Variants in NEBL observed in about 807,000 individuals in gnomAD.
The protein encoded by NEBL is nebulette, also known as LIM and SH3 protein 2.
A neutral mutation model predicts 140.2 loss-of-function variants in NEBL; 122 were observed. That is an observed-to-expected ratio of 0.87 (90% CI 0.75 to 1.01). NEBL has a LOEUF of 1.01. Ranked by LOEUF, NEBL falls within the 50% of genes least tolerant of loss-of-function variation. The pLI, the probability that NEBL is intolerant of heterozygous loss-of-function variation, is 0.00. For synonymous variants in NEBL, 436 were observed against 398.9 expected, an observed-to-expected ratio of 1.09 and a Z score of -1.11; for missense variants, 1,365 against 1,231.3, an observed-to-expected ratio of 1.11 and a Z score of -1.62.
chr10:20,972,684 C>A (rs532121908), intron 3 of NEBL, among the ~76,000 whole-genome samples: 12 of 151,944 alleles, frequency 7.9e-5, no homozygotes, highest in African/African-American at 2.9e-4. Context: ...GAGGCAGAGG[C>A]TGCAGTGAGC....
At chr10:20,869,958 C>T in intron 5 of NEBL, 117 bp from the exon 6 acceptor site, 1 of 762,332 alleles carries the variant, frequency 1.3e-6, no homozygotes, top group Non-Finnish European at 2.3e-6. Context: ...AGCCTACTGA[C>T]CTTAAGTTGG....
chr10:20,836,458 G>A (rs1588733470), intron 13 of NEBL, among the ~76,000 whole-genome samples: 2 of 152,186 alleles, frequency 1.3e-5, no homozygotes. Flanking sequence ...CCTGACCTCA[G>A]GTGATCCACC....
chr10:21,171,694 C>A (rs904047998), intron 2 of NEBL: 3 of 154,324 alleles, frequency 1.9e-5, no homozygotes, highest in African/African-American at 7.2e-5. Context: ...ACGGTGAGCG[C>A]GATATAAATG....
chr10:21,260,111 T>C (rs1405280520), intron 1 of NEBL, among the ~76,000 whole-genome samples: 1 of 152,242 alleles, frequency 6.6e-6, no homozygotes, highest in Non-Finnish European at 1.5e-5. Flanking sequence ...TCCAGATTGC[T>C]TGAAATGGTT....
At chr10:21,147,534 G>A (rs1226324369) in intron 2 of NEBL, among the ~76,000 whole-genome samples, 2 of 151,606 alleles carry the variant, frequency 1.3e-5, no homozygotes, top group African/African-American at 4.8e-5. Flanking sequence ...AGTCACCATT[G>A]CTGTGGATTC....
At chr10:21,192,020 A>G (rs536933801) in intron 3 of NEBL, among the ~76,000 whole-genome samples, 10 of 152,082 alleles carry the variant, frequency 6.6e-5, no homozygotes, top group African/African-American at 1.9e-4. Flanking sequence ...AGGGGTCCCA[A>G]GGTTTTTGTT....
chr10:21,233,780 TATATATGCATATATATTAC>T (rs1332014747), intron 3 of NEBL, among the ~76,000 whole-genome samples: 2 of 143,456 alleles, frequency 1.4e-5, no homozygotes, highest in Non-Finnish European at 3.0e-5. Flanking sequence ...TATAAATGCA[TATATATGCATATATATTAC>T]ATATATAGAT....
At chr10:20,859,952 C>A (rs895360323) in intron 7 of NEBL, 126 bp from the exon 8 acceptor site, 7 of 572,288 alleles carry the variant, frequency 1.2e-5, no homozygotes, top group Non-Finnish European at 2.2e-5. Context: ...TGGTATCCAT[C>A]GCCTTCTATA....
chr10:20,843,227 G>A (rs1273243400), intron 12 of NEBL, among the ~76,000 whole-genome samples: 2 of 152,006 alleles, frequency 1.3e-5, no homozygotes, highest in South Asian at 2.1e-4. Flanking sequence ...TCTGCAAGCC[G>A]GTAAGAGGGC....
At chr10:21,251,922 G>A (rs1258241820) in intron 1 of NEBL, among the ~76,000 whole-genome samples, 1 of 152,106 alleles carries the variant, frequency 6.6e-6, no homozygotes, top group Non-Finnish European at 1.5e-5. Flanking sequence ...TCAAAATGGA[G>A]AACAAGATAA....
chr10:20,966,884 G>A (rs1456919023), intron 3 of NEBL, among the ~76,000 whole-genome samples: 2 of 152,210 alleles, frequency 1.3e-5, no homozygotes, highest in African/African-American at 2.4e-5. Context: ...GATGAAGGAA[G>A]AAGGAAGCCA....
chr10:21,220,345 A>G (rs921557175), intron 3 of NEBL, among the ~76,000 whole-genome samples: 2 of 152,212 alleles, frequency 1.3e-5, no homozygotes, highest in Non-Finnish European at 1.5e-5. Flanking sequence ...ATAAATCCAC[A>G]CTATTATGAT....
chr10:20,804,740 T>C (rs1837450738), intron 26 of NEBL, among the ~76,000 whole-genome samples: 1 of 152,100 alleles, frequency 6.6e-6, no homozygotes, highest in Non-Finnish European at 1.5e-5. Flanking sequence ...ACAGATATAC[T>C]TGGAATGGCA....
intron 1 of NEBL, among the ~76,000 whole-genome samples, chr10:21,259,981 T>C (rs1331952625): frequency 6.6e-6 from 1 of 152,124 alleles, no homozygotes; most frequent in African/African-American, 2.4e-5. Flanking sequence ...CTGATACCAC[T>C]GGAGGCAGCA....
intron 2 of NEBL, chr10:21,172,222 G>A (rs550699851): frequency 4.5e-6 from 3 of 666,294 alleles, no homozygotes; most frequent in African/African-American, 1.8e-5. Flanking sequence ...AGCAGTGATC[G>A]TCAACAAAGT....
chr10:21,189,777 T>A (rs1249834683), intron 3 of NEBL, among the ~76,000 whole-genome samples: 1 of 152,154 alleles, frequency 6.6e-6, no homozygotes, highest in African/African-American at 2.4e-5. Context: ...CAGCCTTCTG[T>A]TGTTTTAAGC....
At chr10:21,279,622 G>A (rs180862225) in intron 1 of NEBL, among the ~76,000 whole-genome samples, 1 of 152,116 alleles carries the variant, frequency 6.6e-6, no homozygotes, top group African/African-American at 2.4e-5. Flanking sequence ...GCTGGGCATG[G>A]TGGCAGGCAC....
At chr10:20,945,154 G>GT (rs1835092610) in intron 4 of NEBL, among the ~76,000 whole-genome samples, 1 of 152,186 alleles carries the variant, frequency 6.6e-6, no homozygotes. Context: ...TACATGCGAA[G>GT]TTTTTTGCCA....
chr10:20,814,755 T>C lies in NEBL; in HGVS notation c.2242-712A>G, dbSNP rs180902398. ...TACCATAAGAGTGTTAAAAAATGCA[T>C]ACAAGCTACTCTATTTCTTTTTATT... is the stretch of plus-strand genomic sequence containing the variant. On this transcript the variant is annotated intron_variant, in intron 22 of 27. Transcript: ENST00000377122. 8.5e-4 allele frequency among the ~76,000 whole-genome samples: 130 copies of C among 152,174 alleles called. No homozygotes were observed. The Middle Eastern group carries it at 0.014, about 16-fold the overall frequency.
Sources: allele counts gnomAD v4.1 joint callset (sites outside exome capture counted in the v4.1 genomes callset), GRCh38; gene constraint gnomAD v4.1.1; transcripts MANE v1.5; gene names NCBI Gene and HGNC (gene_info 2026-07-23, HGNC 2026-07-21).